The following RNLS variants were observed in gnomAD, a reference collection of about 807,000 sequenced individuals.
RNLS encodes the protein renalase, FAD dependent amine oxidase.
A neutral mutation model predicts 39.8 loss-of-function variants in RNLS; 39 were observed. That is an observed-to-expected ratio of 0.98 (90% CI 0.76 to 1.28). RNLS has a LOEUF of 1.28. Among genes scored for constraint, RNLS ranks in the 50% most tolerant of loss-of-function variants. The probability of loss-of-function intolerance (pLI) is 0.00; values close to 1 mark genes in which losing one functional copy is unlikely to be tolerated. For synonymous variants in RNLS, 147 were observed against 150.7 expected, an observed-to-expected ratio of 0.98 and a Z score of 0.18; for missense variants, 410 against 413.3, an observed-to-expected ratio of 0.99 and a Z score of 0.07.
At chr10:88,302,119 T>C (rs898476153) in intron 6 of RNLS, among the ~76,000 whole-genome samples, 18 of 152,234 alleles carry the variant, frequency 1.2e-4, no homozygotes, top group Admixed American at 9.8e-4. Context: ...TGTTACCATT[T>C]ACAGATGAGG....
intron 4 of RNLS, among the ~76,000 whole-genome samples, chr10:88,518,316 G>A (rs1846521541): frequency 6.6e-6 from 1 of 151,778 alleles, no homozygotes; most frequent in African/African-American, 2.4e-5. Flanking sequence ...ATTTATACTT[G>A]TGGATAAGGG....
chr10:88,224,375 G>T, the RNLS span, among the ~76,000 whole-genome samples: 1 of 152,138 alleles, frequency 6.6e-6, no homozygotes, highest in African/African-American at 2.4e-5. Context: ...AGTGAAATTT[G>T]GAGGACGCAT....
At chr10:88,177,336 ATTCT>A in the RNLS span, among the ~76,000 whole-genome samples, 6 of 152,040 alleles carry the variant, frequency 3.9e-5, no homozygotes, top group Non-Finnish European at 8.8e-5. Flanking sequence ...AAGTTCAGAT[ATTCT>A]TTCTTCTGTT....
intron 4 of RNLS, among the ~76,000 whole-genome samples, chr10:88,406,755 G>C (rs1040390382): frequency 6.6e-6 from 1 of 152,022 alleles, no homozygotes; most frequent in South Asian, 2.1e-4. Context: ...ACTTGCACAC[G>C]CATGTTTATA....
At chr10:88,188,469 A>G in the RNLS span, among the ~76,000 whole-genome samples, 1 of 152,248 alleles carries the variant, frequency 6.6e-6, no homozygotes, top group Non-Finnish European at 1.5e-5. Flanking sequence ...CTTTAAAATC[A>G]GGCTTTACAA....
chr10:88,409,138 AGT>A (rs1853494428), intron 4 of RNLS, among the ~76,000 whole-genome samples: 1 of 152,136 alleles, frequency 6.6e-6, no homozygotes, highest in African/African-American at 2.4e-5. Flanking sequence ...TTTAGTCATT[AGT>A]TGAATGTGCA....
chr10:88,267,534 C>T, the RNLS span, among the ~76,000 whole-genome samples: 1 of 152,194 alleles, frequency 6.6e-6, no homozygotes, highest in Non-Finnish European at 1.5e-5. Context: ...ACAATCACAC[C>T]ACTGTGCTCC....
In RNLS at chr10:88,482,897, T is replaced by C. The variant is rs758941048; in HGVS notation, c.526+90006A>G. On this transcript the variant is annotated intron_variant, in intron 4 of 6. Coordinates refer to ENST00000331772, the MANE Select transcript of RNLS (RefSeq NM_001031709.3). ...TCCCTGTGGGGTGTAGCCGCTGATATCCCTGCTCAGTTTTCCTTCCCTTCC... is the reference window on the plus strand; with the variant it reads ...TCCCTGTGGGGTGTAGCCGCTGATACCCCTGCTCAGTTTTCCTTCCCTTCC... 5.2e-4 allele frequency among the ~76,000 whole-genome samples: 79 copies of C among 152,054 alleles called. 1 individual carries two copies. The highest frequency in any genetic ancestry group is 6.6e-5 in the Admixed American group (1 of 15,238).
At chr10:88,352,732 A>T (rs1269091526) in intron 5 of RNLS, among the ~76,000 whole-genome samples, 1 of 152,112 alleles carries the variant, frequency 6.6e-6, no homozygotes. Flanking sequence ...GTTAGGGAGG[A>T]TTCCCTCTTT....
At chr10:88,376,380 G>C (rs1418521678) in intron 4 of RNLS, among the ~76,000 whole-genome samples, 1 of 152,052 alleles carries the variant, frequency 6.6e-6, no homozygotes, top group Non-Finnish European at 1.5e-5. Context: ...TGCATATTGG[G>C]AAATTGAATT....
chr10:88,451,636 G>C (rs943656363), intron 4 of RNLS, among the ~76,000 whole-genome samples: 1 of 152,164 alleles, frequency 6.6e-6, no homozygotes. Flanking sequence ...CTTTAAAGTG[G>C]ATGTAAGAAG....
chr10:88,229,393 C>T, the RNLS span, among the ~76,000 whole-genome samples: 1 of 152,188 alleles, frequency 6.6e-6, no homozygotes, highest in Non-Finnish European at 1.5e-5. Flanking sequence ...TATATTCAGC[C>T]TCCAGAGGAA....
intron 4 of RNLS, among the ~76,000 whole-genome samples, chr10:88,539,388 T>A (rs111501379): frequency 6.6e-6 from 1 of 152,148 alleles, no homozygotes; most frequent in Admixed American, 6.6e-5. Flanking sequence ...AATAATAGCA[T>A]AAATTTTAAT....
At chr10:88,172,153 T>C in the RNLS span, among the ~76,000 whole-genome samples, 2 of 152,228 alleles carry the variant, frequency 1.3e-5, no homozygotes, top group African/African-American at 4.8e-5. Context: ...ATATATCTCT[T>C]CAATATATTG....
chr10:88,552,391 CTCTGGGACAAT>C (rs1848642828), intron 4 of RNLS, among the ~76,000 whole-genome samples: 1 of 152,218 alleles, frequency 6.6e-6, no homozygotes, highest in African/African-American at 2.4e-5. Context: ...GAAGCCCAGA[CTCTGGGACAAT>C]TCCAGGAACA....
At chr10:88,478,602 C>T (rs1347636893) in intron 4 of RNLS, among the ~76,000 whole-genome samples, 2 of 152,176 alleles carry the variant, frequency 1.3e-5, no homozygotes, top group East Asian at 1.9e-4. Flanking sequence ...CTCCACTGTC[C>T]CCCCAGATAA....
chr10:88,514,239 G>T (rs575248219), intron 4 of RNLS, among the ~76,000 whole-genome samples: 1 of 152,048 alleles, frequency 6.6e-6, no homozygotes, highest in Admixed American at 6.6e-5. Flanking sequence ...ACAGCTGAGA[G>T]AGAGAAAGAG....
At chr10:88,558,887 T>A (rs1314966296) in intron 4 of RNLS, among the ~76,000 whole-genome samples, 1 of 152,192 alleles carries the variant, frequency 6.6e-6, no homozygotes, top group Non-Finnish European at 1.5e-5. Flanking sequence ...GTTTATAAGT[T>A]TGCAGGCAGC....
At chr10:88,258,259 C>A in the RNLS span, among the ~76,000 whole-genome samples, 1 of 152,090 alleles carries the variant, frequency 6.6e-6, no homozygotes, top group Non-Finnish European at 1.5e-5. Flanking sequence ...GGTGCAAATT[C>A]CTGTAAGAGA....
Sources: gnomAD v4.1 joint callset for allele counts (sites outside exome capture counted in the v4.1 genomes callset) on GRCh38, gnomAD v4.1.1 for gene constraint, MANE v1.5 for transcripts, NCBI Gene and HGNC (gene_info 2026-07-23, HGNC 2026-07-21) for gene names.